FLT1: variants seen among roughly 807,000 people sequenced by gnomAD.
FLT1 encodes vascular endothelial growth factor receptor 1.
In FLT1, 49 loss-of-function variants were observed where a neutral mutation model predicts 156.3. The ratio of observed to expected loss-of-function variants is 0.31; its 90% CI spans 0.25 to 0.40. The LOEUF (loss-of-function observed/expected upper bound fraction) is 0.40, where lower values mean the gene tolerates loss of function less well. Ranked by LOEUF, FLT1 falls within the 10% of genes least tolerant of loss-of-function variation. The pLI is 1.00. For synonymous variants in FLT1, 594 were observed against 583.8 expected (o/e 1.02, Z -0.25); for missense variants, 1,322 against 1,637.2 (o/e 0.81, Z 3.32).
rs7331981 is a variant in FLT1, at chr13:28,395,831, C to T, written c.1660+1129G>A. 5.6e-3 allele frequency among the ~76,000 whole-genome samples: 860 copies of T among 152,336 alleles called. 6 individuals are homozygous for T. The highest frequency in any genetic ancestry group is 0.019 in the African/African-American group (801 of 41,572). Reference sequence around the variant, plus strand: ...CCTCCAAGTGCTCAGTAGAGTTGAACTGTACCATTTAACAGTGCTGATTAA... The same window carrying T: ...CCTCCAAGTGCTCAGTAGAGTTGAATTGTACCATTTAACAGTGCTGATTAA... On this transcript the variant is annotated intron_variant, in intron 12 of 29. Transcript: ENST00000282397.
At chr13:28,476,783 C>A (rs567726082) in intron 1 of FLT1, among the ~76,000 whole-genome samples, 1 of 152,334 alleles carries the variant, frequency 6.6e-6, no homozygotes, top group Non-Finnish European at 1.5e-5. Context: ...ACACCAGCAA[C>A]TGGAATTGGC....
rs1438112446 is a variant in FLT1 at position 28,466,422 on chromosome 13, TACA to T, written c.388+478_388+480del. 1.3e-4 allele frequency among the ~76,000 whole-genome samples: 20 copies of T among 152,324 alleles called. No individual in the cohort carries two copies. In the East Asian group the frequency reaches 3.9e-3, roughly 29 times the overall value. On this transcript the variant is annotated intron_variant, in intron 3 of 29. Coordinates refer to ENST00000282397, the MANE Select transcript of FLT1 (RefSeq NM_002019.4). ...TAGTTCCTCAGTGAACATGAAATAA[TACA>T]ACATTGTCCATTGGAACCAGTTATA...
intron 29 of FLT1, among the ~76,000 whole-genome samples, chr13:28,306,342 G>A (rs1223567122): frequency 6.6e-6 from 1 of 152,192 alleles, no homozygotes; most frequent in Non-Finnish European, 1.5e-5. Flanking sequence ...GACAGCGGGG[G>A]CATCCTCTCC....
chr13:28,475,829 A>G (rs553973624), intron 1 of FLT1, among the ~76,000 whole-genome samples: 3 of 152,330 alleles, frequency 2.0e-5, no homozygotes, highest in South Asian at 2.1e-4. Context: ...TGGAGACTAC[A>G]CTACCAGCTA....
At chr13:28,329,428 C>T (rs1871827361) in intron 19 of FLT1, among the ~76,000 whole-genome samples, 187 bp downstream of exon 19, 1 of 152,210 alleles carries the variant, frequency 6.6e-6, no homozygotes, top group African/African-American at 2.4e-5. Context: ...AAATTAACGG[C>T]ACAGGGAAGG....
In FLT1 at chr13:28,339,173, T is replaced by G. The variant is rs1284945816; in HGVS notation, c.2483A>C (p.Lys828Thr). Reference protein sequence around the residue: ...SKWEFARERLKLGKSLGRGAF... With the variant: ...SKWEFARERLTLGKSLGRGAF... ...CTGTTGAACAAATATCTTACCCAGTTTAAGTCTCTCCCGGGCAAACTCCCA... is the reference window on the plus strand; with the variant it reads ...CTGTTGAACAAATATCTTACCCAGTGTAAGTCTCTCCCGGGCAAACTCCCA... Residue 828 changes from lysine (K) to threonine (T), a missense_variant, in exon 17 of 30, where the codon AAA becomes ACA. By Grantham distance (78) the Lys-to-Thr change is moderately conservative (BLOSUM62 -1). Around this residue, in one of 3 missense-constraint regions of FLT1, gnomAD observed 991 missense variants for 1,254.8 expected, o/e 0.79. Coordinates refer to ENST00000282397, the MANE Select transcript of FLT1 (RefSeq NM_002019.4). The G allele has an allele frequency of 1.2e-6, 2 of 1,614,088 alleles. No homozygotes were observed. The highest frequency in any genetic ancestry group is 1.7e-6 in the Non-Finnish European group (2 of 1,179,968).
At chr13:28,389,573 G>A (rs1330066067) in intron 13 of FLT1, 1 of 1,438,372 alleles carries the variant, frequency 7.0e-7, no homozygotes, top group South Asian at 1.5e-5. Flanking sequence ...GGGGCCCGGG[G>A]GTCTCATTAT....
At chr13:28,444,820 T>A (rs1412944309) in intron 3 of FLT1, among the ~76,000 whole-genome samples, 1 of 132,606 alleles carries the variant, frequency 7.5e-6, no homozygotes, top group Non-Finnish European at 1.6e-5. Context: ...TTGGTATGAA[T>A]GTAAATGAAG....
chr13:28,427,733 G>C lies in FLT1; in HGVS notation c.1276+19C>G, dbSNP rs776082424. 1.9e-6 allele frequency: 3 copies of C among 1,610,010 alleles called. No homozygotes were observed. Among genetic ancestry groups the C allele is most frequent in the Admixed American group, 1.7e-5 (1 of 60,002 alleles). ...TGTTGCCTACCAGAACCAGAAGAAAGTATGAACAGCAAACTTACCATTGAC... is the reference window on the plus strand; with the variant it reads ...TGTTGCCTACCAGAACCAGAAGAAACTATGAACAGCAAACTTACCATTGAC... On this transcript the variant is annotated intron_variant, in intron 9 of 29. Transcript: ENST00000282397.
At chr13:28,319,226 T>C (rs1401269479) in intron 24 of FLT1, among the ~76,000 whole-genome samples, 197 bp downstream of exon 24, 1 of 152,186 alleles carries the variant, frequency 6.6e-6, no homozygotes, top group Non-Finnish European at 1.5e-5. Flanking sequence ...TTCATGATCA[T>C]ATAAAGCCCT....
intron 28 of FLT1, 27 bp from the exon 29 acceptor site, chr13:28,306,799 C>G: frequency 6.6e-7 from 1 of 1,524,386 alleles, no homozygotes; most frequent in Non-Finnish European, 9.1e-7. Flanking sequence ...AAAGGTTATA[C>G]TCTTGCCTGG....
chr13:28,388,557 C>G, intron 13 of FLT1: 2 of 1,049,994 alleles, frequency 1.9e-6, no homozygotes, highest in Non-Finnish European at 2.3e-6. Context: ...CATTTTCCCT[C>G]AAACGCAAGC....
At chr13:28,448,347 G>A (rs1878731131) in intron 3 of FLT1, among the ~76,000 whole-genome samples, 2 of 152,336 alleles carry the variant, frequency 1.3e-5, no homozygotes, top group South Asian at 4.1e-4. Flanking sequence ...GCAAAAGGTG[G>A]AAGCAACTCA....
At chr13:28,399,224 T>C in intron 11 of FLT1, 1 of 633,926 alleles carries the variant, frequency 1.6e-6, no homozygotes. Flanking sequence ...AACAAGGAGC[T>C]CAGATGAAGC....
At chr13:28,471,897 A>G (rs1880199175) in intron 1 of FLT1, among the ~76,000 whole-genome samples, 1 of 152,236 alleles carries the variant, frequency 6.6e-6, no homozygotes, top group Non-Finnish European at 1.5e-5. Context: ...TAAATAAAAT[A>G]AAACAAAAAA....
At chr13:28,477,381 T>G (rs903279030) in intron 1 of FLT1, among the ~76,000 whole-genome samples, 3 of 152,202 alleles carry the variant, frequency 2.0e-5, no homozygotes, top group Admixed American at 1.3e-4. Context: ...CAAAAAATGC[T>G]CTACTCCTAC....
At chr13:28,411,539 T>A (rs1439010934) in intron 10 of FLT1, among the ~76,000 whole-genome samples, 2 of 86,192 alleles carry the variant, frequency 2.3e-5, no homozygotes, top group Non-Finnish European at 4.2e-5. Context: ...AGAGCGAAAC[T>A]CCATCTCAAA....
At chr13:28,429,779 G>A (rs913862155) in intron 8 of FLT1, among the ~76,000 whole-genome samples, 1 of 152,148 alleles carries the variant, frequency 6.6e-6, no homozygotes, top group Non-Finnish European at 1.5e-5. Flanking sequence ...TCATAGGAAG[G>A]TTTAGAGATG....
At chr13:28,455,728 A>G (rs1008263574) in intron 3 of FLT1, among the ~76,000 whole-genome samples, 1 of 152,228 alleles carries the variant, frequency 6.6e-6, no homozygotes, top group Admixed American at 6.5e-5. Flanking sequence ...AATATTTGCA[A>G]AAGATACAGC....
Sources: gnomAD v4.1 joint callset for allele counts (sites outside exome capture counted in the v4.1 genomes callset) on GRCh38, gnomAD v4.1.1 for gene constraint, gnomAD v4.1.1 regional missense constraint, MANE v1.5 for transcripts, NCBI Gene and HGNC (gene_info 2026-07-23, HGNC 2026-07-21) for gene names.